Variants in ERBB4 observed in about 807,000 individuals in gnomAD.
ERBB4 encodes receptor tyrosine-protein kinase erbB-4.
Under a neutral mutation model 158.0 loss-of-function variants are expected in ERBB4, and 42 were observed. That is an observed-to-expected ratio of 0.27 (90% CI 0.21 to 0.34). ERBB4 has a LOEUF of 0.34. ERBB4 is among the 10% of genes least tolerant of loss of function. The pLI is 1.00. For synonymous variants in ERBB4, 583 were observed against 558.7 expected (o/e 1.04, Z -0.61); for missense variants, 1,333 against 1,624.1 (o/e 0.82, Z 3.08).
At chr2:212,202,916 T>A (rs951031081) in intron 1 of ERBB4, among the ~76,000 whole-genome samples, 20 of 151,794 alleles carry the variant, frequency 1.3e-4, no homozygotes, top group Non-Finnish European at 1.5e-5. Flanking sequence ...ATCGGCTAAT[T>A]ATATTAATAG....
At chr2:212,015,159 G>A (rs1339385881) in intron 2 of ERBB4, among the ~76,000 whole-genome samples, 2 of 143,504 alleles carry the variant, frequency 1.4e-5, no homozygotes, top group African/African-American at 2.6e-5. Context: ...CCAGCTACTC[G>A]GGAGGCTGAG....
chr2:211,678,300 C>CAAACA lies in ERBB4; in HGVS notation c.1622+751_1622+752insTGTTT, dbSNP rs1226180487. Reference sequence around the variant, plus strand: ...AAAGTGAGTAGAAAAAACAAACAAACAAAAAAAAACAAACAAACAAAAAAA... The same window carrying CAAACA: ...AAAGTGAGTAGAAAAAACAAACAAACAAACAAAAAAAAAACAAACAAACAAAAAAA... On this transcript the variant is annotated intron_variant, in intron 13 of 27. Coordinates refer to ENST00000342788, the MANE Select transcript of ERBB4 (RefSeq NM_005235.3). 1.2e-3 allele frequency among the ~76,000 whole-genome samples: 112 copies of CAAACA among 96,608 alleles called. 1 individual carries two copies. Among genetic ancestry groups the CAAACA allele is most frequent in the African/African-American group, 4.2e-3 (105 of 25,028 alleles). 63.4% of individuals were successfully genotyped at this position (96,608 alleles called of 152,430 possible). A position where few individuals can be genotyped will look rare whatever the true frequency, so the allele number is the denominator to read the frequency against.
chr2:211,956,345 G>A (rs2081031707), intron 2 of ERBB4, among the ~76,000 whole-genome samples: 1 of 151,888 alleles, frequency 6.6e-6, no homozygotes, highest in African/African-American at 2.4e-5. Context: ...ATTAGTTTTC[G>A]GCACTTTCGT....
intron 2 of ERBB4, 112 bp downstream of exon 2, chr2:212,124,640 T>C (rs2079863425): frequency 5.8e-6 from 7 of 1,213,268 alleles, no homozygotes; most frequent in Non-Finnish European, 7.3e-6. Flanking sequence ...ATAGTCACAG[T>C]GCCTGCCAGG....
At chr2:211,905,573 T>G (rs1245309744) in intron 3 of ERBB4, among the ~76,000 whole-genome samples, 1 of 149,124 alleles carries the variant, frequency 6.7e-6, no homozygotes, top group African/African-American at 2.5e-5. Flanking sequence ...TGTTTGGAAG[T>G]GTTTTAAGTA....
rs5838309 is a variant in ERBB4, at chr2:212,206,589, CTTTTTTTTTTT to C, written c.83-81697_83-81687del. On this transcript the variant is annotated intron_variant, in intron 1 of 27. Transcript: ENST00000342788. ...ATGAACTGTCTCCGTCTGTTCTGTTCTTTTTTTTTTTTTTTTGAGACGGAGTCTCGCTCTTT... is the reference window on the plus strand; with the variant it reads ...ATGAACTGTCTCCGTCTGTTCTGTTCTTTTTGAGACGGAGTCTCGCTCTTT... 2.5e-3 allele frequency among the ~76,000 whole-genome samples: 292 copies of C among 116,448 alleles called. 6 individuals are homozygous for C. The highest frequency in any genetic ancestry group is 9.8e-3 in the African/African-American group (270 of 27,684). The allele number at this position is 116,448 out of a possible 152,430, so 76.4% of individuals were successfully genotyped here.
intron 20 of ERBB4, among the ~76,000 whole-genome samples, chr2:211,466,075 C>A (rs935253876): frequency 6.6e-6 from 1 of 152,048 alleles, no homozygotes; most frequent in Non-Finnish European, 1.5e-5. Flanking sequence ...GTAGTGAAGT[C>A]CTTGTGAATG....
At chr2:211,580,798 AT>A (rs1312380825) in intron 19 of ERBB4, among the ~76,000 whole-genome samples, 2 of 63,616 alleles carry the variant, frequency 3.1e-5, no homozygotes, top group East Asian at 3.7e-4. Flanking sequence ...ATATATATAT[AT>A]ATATATATAT....
chr2:212,163,770 C>G lies in ERBB4; in HGVS notation c.83-38867G>C, dbSNP rs537841569. 2.6e-5 allele frequency among the ~76,000 whole-genome samples: 4 copies of G among 151,876 alleles called. No homozygotes were observed. The South Asian group carries it at 6.2e-4, about 24-fold the overall frequency. On this transcript the variant is annotated intron_variant, in intron 1 of 27. Coordinates refer to ENST00000342788, the MANE Select transcript of ERBB4 (RefSeq NM_005235.3). ...TTAATGCCATATTTTTAGAAAAGAC[C>G]TTTTGTGCATGACATACTGATCAAT...
chr2:211,733,765 C>CTCA (rs1405508268), intron 5 of ERBB4, among the ~76,000 whole-genome samples: 9 of 151,452 alleles, frequency 5.9e-5, no homozygotes, highest in African/African-American at 2.0e-4. Flanking sequence ...TAATCTCTCT[C>CTCA]TCACTCAATT....
At position 212,474,294 on chromosome 2, in the gene ERBB4, A is replaced by T. The variant is rs762573901; in HGVS notation, c.82+64155T>A. Among the ~76,000 whole-genome samples the T allele has an allele frequency of 9.9e-5, 15 of 152,016 alleles. 1 individual carries two copies. The highest frequency in any genetic ancestry group is 1.8e-4 in the Non-Finnish European group (12 of 68,010). On this transcript the variant is annotated intron_variant, in intron 1 of 27. Transcript: ENST00000342788. ...CAGTAAATGATTGTTTAATTGAAAC[A>T]TTTTAATATAGGAGGCATAAACGAG...
intron 1 of ERBB4, among the ~76,000 whole-genome samples, chr2:212,377,425 A>G (rs2106402683): frequency 6.6e-6 from 1 of 151,952 alleles, no homozygotes; most frequent in Non-Finnish European, 1.5e-5. Context: ...CTACACACCT[A>G]GGCTGTATGG....
intron 1 of ERBB4, among the ~76,000 whole-genome samples, chr2:212,269,087 A>G (rs1011166364): frequency 1.3e-5 from 2 of 151,902 alleles, no homozygotes; most frequent in African/African-American, 4.8e-5. Flanking sequence ...AATGGAAAAT[A>G]AACACAAATG....
chr2:212,315,521 T>C (rs1574662183), intron 1 of ERBB4, among the ~76,000 whole-genome samples: 1 of 151,542 alleles, frequency 6.6e-6, no homozygotes, highest in Non-Finnish European at 1.5e-5. Context: ...GATTAGATAC[T>C]GATTCTATGC....
chr2:211,531,234 C>T (rs149903257), intron 20 of ERBB4, among the ~76,000 whole-genome samples: 4 of 152,072 alleles, frequency 2.6e-5, no homozygotes, highest in African/African-American at 7.2e-5. Context: ...ATTGGGGACA[C>T]GTTTTGAGAC....
chr2:212,439,359 A>G (rs1261848185), intron 1 of ERBB4, among the ~76,000 whole-genome samples: 3 of 152,278 alleles, frequency 2.0e-5, no homozygotes, highest in Non-Finnish European at 4.4e-5. Context: ...CAGGTTTTCC[A>G]TTAACTCAAC....
intron 20 of ERBB4, among the ~76,000 whole-genome samples, chr2:211,557,897 T>C (rs1346461259): frequency 1.3e-5 from 2 of 152,012 alleles, no homozygotes; most frequent in African/African-American, 4.8e-5. Flanking sequence ...ACTGGATAAA[T>C]AAAATGTGGT....
chr2:211,477,307 C>G (rs1192698270), intron 20 of ERBB4, among the ~76,000 whole-genome samples: 1 of 144,936 alleles, frequency 6.9e-6, no homozygotes, highest in Admixed American at 6.7e-5. Flanking sequence ...ATCTCTCTCT[C>G]TCTCTTTCTC....
chr2:211,668,933 T>A (rs2071727693), intron 14 of ERBB4, among the ~76,000 whole-genome samples: 1 of 152,012 alleles, frequency 6.6e-6, no homozygotes, highest in Admixed American at 6.6e-5. Flanking sequence ...CAGTGTACTT[T>A]ACAAGATGGA....
Sources: allele counts gnomAD v4.1 joint callset (sites outside exome capture counted in the v4.1 genomes callset), GRCh38; gene constraint gnomAD v4.1.1; transcripts MANE v1.5; gene names NCBI Gene and HGNC (gene_info 2026-07-23, HGNC 2026-07-21).